CACNA1D: variants seen among roughly 807,000 people sequenced by gnomAD.
CACNA1D encodes calcium voltage-gated channel subunit alpha1 D.
In CACNA1D, 55 loss-of-function variants were observed where a neutral mutation model predicts 257.1. That is an observed-to-expected ratio of 0.21 (90% CI 0.17 to 0.27). The LOEUF (loss-of-function observed/expected upper bound fraction) is 0.27, where lower values mean the gene tolerates loss of function less well. Among genes scored for constraint, CACNA1D ranks in the 10% least tolerant of loss-of-function variants. The probability of loss-of-function intolerance (pLI) is 1.00; values close to 1 mark genes in which losing one functional copy is unlikely to be tolerated. For synonymous variants in CACNA1D, 980 were observed against 1,014.9 expected, an observed-to-expected ratio of 0.97 and a Z score of 0.65; for missense variants, 1,876 against 2,784.0, an observed-to-expected ratio of 0.67 and a Z score of 7.34.
intron 5 of CACNA1D, among the ~76,000 whole-genome samples, chr3:53,663,357 G>A (rs1177001537): frequency 7.0e-6 from 1 of 142,518 alleles, no homozygotes; most frequent in Non-Finnish European, 1.5e-5. Context: ...CAACAGGGAA[G>A]GACAGGGAAG....
In CACNA1D at chr3:53,691,801, ATATAATATATATTATATATTATATC is replaced by A. The variant is rs1367887239; in HGVS notation, c.1221-10825_1221-10801del. 9.2e-5 allele frequency among the ~76,000 whole-genome samples: 8 copies of A among 87,386 alleles called. No homozygotes were observed. The East Asian group carries it at 1.8e-3, about 20-fold the overall frequency. 57.3% of individuals were successfully genotyped at this position (87,386 alleles called of 152,430 possible). ...TATATCTATAATATATATATTACAT[ATATAATATATATTATATATTATATC>A]TATAATATATATTACATATATAATA... On this transcript the variant is annotated intron_variant, in intron 8 of 47. Transcript: ENST00000350061.
At position 53,811,653 on chromosome 3, in the gene CACNA1D, TCA is replaced by T. The variant is rs1428551071; in HGVS notation, c.*250_*251del. ...GCAGGAAACAGCAGGCCCCGCCCTC[TCA>T]CAGAGGATGGGTGAGGAGGCCAGAC... On this transcript the variant is annotated 3_prime_UTR_variant, in exon 48 of 48. Transcript: ENST00000350061. The surrounding 1 kb of genome is among the most constrained non-coding windows in gnomAD (Gnocchi z 4.2). The T allele has an allele frequency of 7.4e-6, 3 of 403,738 alleles. No homozygotes were observed. The highest frequency in any genetic ancestry group is 4.0e-5 in the African/African-American group (2 of 49,494). The allele number at this position is 403,738 out of a possible 1,614,324, so 25.0% of individuals were successfully genotyped here.
chr3:53,682,774 C>T (rs1870564), intron 8 of CACNA1D, among the ~76,000 whole-genome samples: 47,602 of 151,974 alleles, frequency 0.31, 7,540 homozygotes, highest in Middle Eastern at 0.4. Context: ...GAGAGACCAA[C>T]TTAAGGCTCA....
chr3:53,579,512 G>A (rs2093094850), intron 3 of CACNA1D, among the ~76,000 whole-genome samples: 2 of 152,200 alleles, frequency 1.3e-5, no homozygotes, highest in Admixed American at 1.3e-4. Flanking sequence ...TGAGGTTTGA[G>A]AAGTGGCTAT....
chr3:53,678,491 G>A (rs2094397446), intron 8 of CACNA1D, among the ~76,000 whole-genome samples: 1 of 152,138 alleles, frequency 6.6e-6, no homozygotes. Flanking sequence ...ATCCAATTTT[G>A]TATTACTATA....
chr3:53,621,012 C>T lies in CACNA1D; in HGVS notation c.484-29767C>T, dbSNP rs555417643. Among the ~76,000 whole-genome samples, 7 of 152,314 alleles carry T rather than the reference C, an allele frequency of 4.6e-5. No homozygotes were observed. The South Asian group carries it at 6.2e-4, about 14-fold the overall frequency. ...GCACTTCCTAAGTGGCGAGAATACCCAGCTGCAAACAAAACCTCAGACACA... is the reference window on the plus strand; with the variant it reads ...GCACTTCCTAAGTGGCGAGAATACCTAGCTGCAAACAAAACCTCAGACACA... On this transcript the variant is annotated intron_variant, in intron 3 of 47. Coordinates refer to ENST00000350061, the MANE Select transcript of CACNA1D (RefSeq NM_001128840.3).
chr3:53,672,948 T>G, intron 7 of CACNA1D, 75 bp from the exon 8 acceptor site: 1 of 912,530 alleles, frequency 1.1e-6, no homozygotes, highest in Non-Finnish European at 1.8e-6. Context: ...TAGAATGCTG[T>G]CTCTAATGTG....
intron 3 of CACNA1D, among the ~76,000 whole-genome samples, chr3:53,602,931 C>T (rs149825692): frequency 6.5e-4 from 99 of 152,276 alleles, no homozygotes; most frequent in Admixed American, 1.9e-3. Context: ...TTTCCTTTGC[C>T]GTGCAGTGGT....
chr3:53,773,257 C>CAGAT, intron 33 of CACNA1D: 1 of 317,774 alleles, frequency 3.1e-6, no homozygotes, highest in Non-Finnish European at 5.9e-6. Flanking sequence ...GCCGAGCCGT[C>CAGAT]GCGGGAACAG....
In CACNA1D at chr3:53,776,900, C is replaced by A. The variant is rs759583357; in HGVS notation, c.4531C>A (p.Arg1511Ser). 1.2e-6 allele frequency: 2 copies of A among 1,614,024 alleles called. No individual in the cohort carries two copies. Among genetic ancestry groups the A allele is most frequent in the East Asian group, 2.2e-5 (1 of 44,900 alleles). ...KHLDVVTLLR[R>S]IQPPLGFGKL... ...CCTTGATGTGGTCACTCTGCTTCGA[C>A]GCATCCAGCCTCCCCTGGGGTTTGG... The change falls in exon 37 of 48, where the codon CGC becomes AGC. Residue 1511 changes from arginine (R) to serine (S), a missense_variant. Physicochemically the swap from Arg to Ser is moderately radical, Grantham distance 110. Around this residue, in one of 10 missense-constraint regions of CACNA1D, gnomAD observed 83 missense variants for 210.7 expected, o/e 0.39. Transcript: ENST00000350061.
At position 53,666,486 on chromosome 3, in the gene CACNA1D, C is replaced by G; in HGVS notation, c.1067C>G (p.Thr356Ser). The change falls in exon 7 of 48, where the codon ACT becomes AGT. Residue 356 changes from threonine to serine, a missense_variant. By Grantham distance (58) the Thr-to-Ser change is moderately conservative. This residue lies in a region of CACNA1D where 188 missense variants were observed against 390.4 expected (regional missense o/e 0.48). Coordinates refer to ENST00000350061, the MANE Select transcript of CACNA1D (RefSeq NM_001128840.3). ...GATAACTTTGCCTTTGCCATGCTTA[C>G]TGTGTTTCAGTGCATCACCATGGAG... ...NFDNFAFAML[T>S]VFQCITMEGW... 3.1e-6 allele frequency: 5 copies of G among 1,614,202 alleles called. No individual in the cohort carries two copies. The highest frequency in any genetic ancestry group is 4.2e-6 in the Non-Finnish European group (5 of 1,180,032).
intron 3 of CACNA1D, among the ~76,000 whole-genome samples, chr3:53,534,866 A>G (rs1458762964): frequency 6.6e-6 from 1 of 152,018 alleles, no homozygotes; most frequent in Non-Finnish European, 1.5e-5. Context: ...GCAGATGTCC[A>G]CTCACGCCAG....
chr3:53,522,439 G>A (rs2091615744), intron 3 of CACNA1D, among the ~76,000 whole-genome samples: 1 of 147,988 alleles, frequency 6.8e-6, no homozygotes. Flanking sequence ...CTTCTGCATA[G>A]TTTTTGGATG....
At position 53,673,682 on chromosome 3, in the gene CACNA1D, A is replaced by G; in HGVS notation, c.1220+556A>G. 4.0e-6 allele frequency: 6 copies of G among 1,497,580 alleles called. No individual in the cohort carries two copies. Among genetic ancestry groups the G allele is most frequent in the Non-Finnish European group, 5.6e-6 (6 of 1,073,568 alleles). The allele number at this position is 1,497,580 out of a possible 1,614,324, so 92.8% of individuals were successfully genotyped here. On this transcript the variant is annotated intron_variant, in intron 8 of 47. Coordinates refer to ENST00000350061, the MANE Select transcript of CACNA1D (RefSeq NM_001128840.3). This position sits in a 1 kb window ranked among gnomAD's most constrained non-coding sequence, Gnocchi z 4.1. ...GGGCTCTGCTCTTTAGTAAATGGATAACTGATAACTGATCTCCTTACATTT... is the reference window on the plus strand; with the variant it reads ...GGGCTCTGCTCTTTAGTAAATGGATGACTGATAACTGATCTCCTTACATTT...
At chr3:53,683,836 CAGG>C (rs1559511305) in intron 8 of CACNA1D, among the ~76,000 whole-genome samples, 1 of 152,008 alleles carries the variant, frequency 6.6e-6, no homozygotes, top group Non-Finnish European at 1.5e-5. Context: ...ATTGGAGTCA[CAGG>C]AGAATAAAGA....
intron 3 of CACNA1D, among the ~76,000 whole-genome samples, chr3:53,556,977 A>G (rs1442023426): frequency 6.6e-6 from 1 of 152,070 alleles, no homozygotes; most frequent in Non-Finnish European, 1.5e-5. Context: ...TGGCCTCCCA[A>G]AGTGCTGGGA....
chr3:53,744,656 G>A (rs2095150429), intron 22 of CACNA1D, 84 bp from the exon 23 acceptor site: 1 of 821,076 alleles, frequency 1.2e-6, no homozygotes, highest in South Asian at 1.3e-5. Context: ...ATACTAAAGT[G>A]AAGATCCAGT....
chr3:53,621,840 G>A (rs1274389536), intron 3 of CACNA1D, among the ~76,000 whole-genome samples: 3 of 152,108 alleles, frequency 2.0e-5, no homozygotes, highest in Non-Finnish European at 4.4e-5. Flanking sequence ...AGATATAATG[G>A]CCAAGAGGCT....
intron 37 of CACNA1D, among the ~76,000 whole-genome samples, chr3:53,777,251 C>T (rs1431115926): frequency 6.6e-6 from 1 of 152,098 alleles, no homozygotes; most frequent in African/African-American, 2.4e-5. Context: ...GCAGGGAGGG[C>T]TCAGAAGGAG....
Sources: gnomAD v4.1 joint callset for allele counts (sites outside exome capture counted in the v4.1 genomes callset) on GRCh38, gnomAD v4.1.1 for gene constraint, gnomAD v4.1.1 regional missense constraint, Gnocchi (gnomAD v3.1) non-coding constraint, MANE v1.5 for transcripts, NCBI Gene and HGNC (gene_info 2026-07-23, HGNC 2026-07-21) for gene names.